Variants in PTPRM observed in about 807,000 individuals in gnomAD.
The protein encoded by PTPRM is protein tyrosine phosphatase receptor type M, also known as receptor-type tyrosine-protein phosphatase mu.
PTPRM carries 47 observed loss-of-function variants against 186.7 expected under a neutral mutation model. The observed-to-expected ratio is 0.25, with a 90% CI of 0.20 to 0.32. The LOEUF (loss-of-function observed/expected upper bound fraction) is 0.32. Among genes scored for constraint, PTPRM ranks in the 10% least tolerant of loss-of-function variants. PTPRM has a pLI of 1.00. For missense variants in PTPRM, 1,494 were observed against 1,865.0 expected (o/e 0.80, Z 3.66); for synonymous variants, 668 against 674.9 (o/e 0.99, Z 0.16).
At chr18:7,600,368 C>T (rs576872165) in intron 1 of PTPRM, among the ~76,000 whole-genome samples, 7 of 152,304 alleles carry the variant, frequency 4.6e-5, no homozygotes, top group South Asian at 2.1e-4. Flanking sequence ...CAGAGCTCTG[C>T]GCAGCCAGAA....
intron 1 of PTPRM, among the ~76,000 whole-genome samples, chr18:7,592,314 G>C (rs889565001): frequency 1.3e-5 from 2 of 152,116 alleles, no homozygotes; most frequent in Non-Finnish European, 2.9e-5. Flanking sequence ...GTAAAAATAG[G>C]GCAAATAGAA....
At chr18:8,017,994 A>T (rs1336911252) in intron 7 of PTPRM, 1 of 152,214 alleles carries the variant, frequency 6.6e-6, no homozygotes, top group Non-Finnish European at 1.5e-5. Flanking sequence ...TACAAGAACT[A>T]CTAAAATGTT....
chr18:7,741,297 A>T (rs148801815), intron 1 of PTPRM: 1 of 152,334 alleles, frequency 6.6e-6, no homozygotes, highest in Non-Finnish European at 1.5e-5. Context: ...CTGAGAATGC[A>T]AGGTGGTAGG....
chr18:8,315,663 G>T (rs1371029316), intron 21 of PTPRM, among the ~76,000 whole-genome samples: 1 of 152,126 alleles, frequency 6.6e-6, no homozygotes, highest in African/African-American at 2.4e-5. Context: ...TAGTCTATCA[G>T]TACTTCCATA....
intron 2 of PTPRM, among the ~76,000 whole-genome samples, chr18:7,819,484 G>A (rs2045060150): frequency 7.3e-6 from 1 of 136,370 alleles, no homozygotes; most frequent in Non-Finnish European, 1.6e-5. Flanking sequence ...GGGCAGAGGA[G>A]AGCCCAGGCC....
intron 1 of PTPRM, among the ~76,000 whole-genome samples, chr18:7,706,074 GA>G: frequency 2.7e-5 from 4 of 150,314 alleles, no homozygotes; most frequent in Middle Eastern, 3.5e-3. Flanking sequence ...GAGAGAGTAT[GA>G]TTTTTGTTAC....
chr18:8,286,170 C>T (rs1403002919), intron 19 of PTPRM, among the ~76,000 whole-genome samples: 1 of 152,178 alleles, frequency 6.6e-6, no homozygotes, highest in African/African-American at 2.4e-5. Flanking sequence ...CTCCTGACTG[C>T]CTTTGTCACT....
intron 14 of PTPRM, among the ~76,000 whole-genome samples, chr18:8,166,442 A>G (rs2093325776): frequency 6.6e-6 from 1 of 152,132 alleles, no homozygotes. Flanking sequence ...TCTGTAAGGA[A>G]CCTATTACAG....
At chr18:7,742,691 T>C (rs2040907747) in intron 1 of PTPRM, among the ~76,000 whole-genome samples, 1 of 151,946 alleles carries the variant, frequency 6.6e-6, no homozygotes. Flanking sequence ...AAGTGAAAAA[T>C]AAATAAGTAT....
intron 7 of PTPRM, among the ~76,000 whole-genome samples, chr18:8,033,432 G>A (rs954715878): frequency 6.6e-6 from 1 of 152,082 alleles, no homozygotes; most frequent in East Asian, 1.9e-4. Context: ...CCATTTCATG[G>A]TTGTGCAAAC....
intron 1 of PTPRM, among the ~76,000 whole-genome samples, chr18:7,715,666 A>T (rs977733784): frequency 6.6e-6 from 1 of 152,254 alleles, no homozygotes; most frequent in African/African-American, 2.4e-5. Context: ...AAGTCTCAGG[A>T]TACAAAATCA....
intron 14 of PTPRM, among the ~76,000 whole-genome samples, chr18:8,178,771 A>G (rs1226737088): frequency 6.6e-6 from 1 of 152,036 alleles, no homozygotes; most frequent in Admixed American, 6.6e-5. Context: ...TGGGCAACAG[A>G]TCAAGACTCC....
At chr18:8,243,103 T>C (rs1208981832) in intron 14 of PTPRM, among the ~76,000 whole-genome samples, 2 of 152,196 alleles carry the variant, frequency 1.3e-5, no homozygotes, top group African/African-American at 4.8e-5. Flanking sequence ...GGTAGCAAGA[T>C]CTATAAAAAT....
intron 2 of PTPRM, among the ~76,000 whole-genome samples, chr18:7,884,924 C>CAAAAAAAAAAAAAAA (rs56724615): frequency 2.9e-4 from 11 of 37,844 alleles, no homozygotes; most frequent in Admixed American, 6.2e-4. Flanking sequence ...AGCTCCATCT[C>CAAAAAAAAAAAAAAA]AAAAAAAAAA....
intron 1 of PTPRM, among the ~76,000 whole-genome samples, chr18:7,625,435 T>G (rs2144020165): frequency 6.6e-6 from 1 of 152,342 alleles, no homozygotes; most frequent in East Asian, 1.9e-4. Context: ...GGCCTAATTC[T>G]TGCCCTGTGG....
intron 1 of PTPRM, among the ~76,000 whole-genome samples, chr18:7,620,715 A>G (rs990804739): frequency 5.3e-5 from 8 of 152,164 alleles, no homozygotes; most frequent in African/African-American, 1.7e-4. Flanking sequence ...AGATCATCAC[A>G]TGGACATGAT....
At chr18:8,379,434 T>G in intron 28 of PTPRM, 94 bp downstream of exon 28, 1 of 1,280,084 alleles carries the variant, frequency 7.8e-7, no homozygotes, top group Non-Finnish European at 1.0e-6. Flanking sequence ...TCACCAGCCC[T>G]TTTGTTTTTT....
At chr18:7,738,746 G>A (rs1051128314) in intron 1 of PTPRM, among the ~76,000 whole-genome samples, 7 of 152,026 alleles carry the variant, frequency 4.6e-5, no homozygotes, top group African/African-American at 1.2e-4. Context: ...CGGCCAGTTC[G>A]TTCAACTTTT....
chr18:8,280,413 G>A (rs1014009886), intron 19 of PTPRM, among the ~76,000 whole-genome samples: 5 of 16,284 alleles, frequency 3.1e-4, no homozygotes, highest in Admixed American at 2.4e-3. Context: ...TCGGGGGTGG[G>A]GGGGGGGTCA....
Sources: gnomAD v4.1 joint callset for allele counts (sites outside exome capture counted in the v4.1 genomes callset) on GRCh38, gnomAD v4.1.1 for gene constraint, MANE v1.5 for transcripts, NCBI Gene and HGNC (gene_info 2026-07-23, HGNC 2026-07-21) for gene names.